Variants in USP35 observed in about 807,000 individuals in gnomAD.
The protein encoded by USP35 is ubiquitin carboxyl-terminal hydrolase 35.
Under a neutral mutation model 83.8 loss-of-function variants are expected in USP35, and 69 were observed. That is an observed-to-expected ratio of 0.82 (90% CI 0.68 to 1.01). The LOEUF is 1.01. Ranked by LOEUF, USP35 falls within the 50% of genes least tolerant of loss-of-function variation. USP35 has a pLI of 0.00. For synonymous variants in USP35, 714 were observed against 589.5 expected (o/e 1.21, Z -3.06); for missense variants, 1,503 against 1,362.5 (o/e 1.10, Z -1.62).
intron 1 of USP35, among the ~76,000 whole-genome samples, chr11:78,190,058 T>C (rs1862954475): frequency 6.6e-6 from 1 of 152,056 alleles, no homozygotes; most frequent in Non-Finnish European, 1.5e-5. Context: ...GGAGGGAGGC[T>C]GGCTTCGAGG....
In USP35 at chr11:78,214,391, G is replaced by GC. The variant is rs1863991918; in HGVS notation, c.*578_*579insC. On this transcript the variant is annotated 3_prime_UTR_variant, in exon 11 of 11. Transcript: ENST00000529308. ...ACTGCATGGTTTTGGGGGGGGGGGC[G>GC]GGGGGCTAGCTTCTCACAGCAGGAG... 3 of 126,614 alleles carry GC rather than the reference G, an allele frequency of 2.4e-5. No homozygotes were observed. The highest frequency in any genetic ancestry group is 5.3e-5 in the Non-Finnish European group (3 of 57,120). The allele number at this position is 126,614 out of a possible 1,614,324, so 7.8% of individuals were successfully genotyped here.
At chr11:78,223,884 C>G in the USP35 span, among the ~76,000 whole-genome samples, 1 of 151,974 alleles carries the variant, frequency 6.6e-6, no homozygotes, top group African/African-American at 2.4e-5. Flanking sequence ...GGTTCGAGAC[C>G]AGCTTGGCCA....
rs776280038 is a variant in USP35, at chr11:78,200,093, G to C, written c.937-40G>C. 4 of 1,608,600 alleles carry C rather than the reference G, an allele frequency of 2.5e-6. No homozygotes were observed. The South Asian group carries it at 4.4e-5, about 18-fold the overall frequency. ...CTTGTGATTCTACTTGGCCTCAGCA[G>C]CTCAAGCCTGGGGACTCCTGACCAG... On this transcript the variant is annotated intron_variant, in intron 4 of 10. Transcript: ENST00000529308.
At chr11:78,232,774 TTAG>T in the USP35 span, among the ~76,000 whole-genome samples, 4 of 152,316 alleles carry the variant, frequency 2.6e-5, no homozygotes, top group African/African-American at 9.6e-5. Context: ...AAGGCTGGTA[TTAG>T]TAGCCTCAGT....
rs1275222810 is a variant in USP35, at chr11:78,214,234, A to AGAGAGGCGGGGGGGGGGGGGG, written c.*422_*423insAGAGGCGGGGGGGGGGGGGGG. The stretch of plus-strand genomic sequence containing the variant: ...ACAGCAGGATCCAAGCCTTGCACAA[A>AGAGAGGCGGGGGGGGGGGGGG]GGGGTGGGGGGGGCAGTGTCTCCTC... On this transcript the variant is annotated 3_prime_UTR_variant, in exon 11 of 11. Transcript: ENST00000529308. 2 of 96,202 alleles carry AGAGAGGCGGGGGGGGGGGGGG rather than the reference A, an allele frequency of 2.1e-5. No homozygotes were observed. The highest frequency in any genetic ancestry group is 1.0e-4 in the African/African-American group (2 of 19,634). 6.0% of individuals were successfully genotyped at this position (96,202 alleles called of 1,614,324 possible).
At chr11:78,222,811 G>C in the USP35 span, among the ~76,000 whole-genome samples, 1 of 152,098 alleles carries the variant, frequency 6.6e-6, no homozygotes, top group African/African-American at 2.4e-5. Context: ...TCGAACTTCT[G>C]ACCTCAGGTG....
chr11:78,220,457 G>T, the USP35 span: 1 of 1,550,622 alleles, frequency 6.4e-7, no homozygotes. Context: ...GTCACGAGGA[G>T]GAAAAAACTG....
Position 78,201,328 on chromosome 11 carries a change from C to G in USP35, c.1197+520C>G, listed in dbSNP as rs1450209442. Among the ~76,000 whole-genome samples, 2 of 152,202 alleles carry G rather than the reference C, an allele frequency of 1.3e-5. 1 individual carries two copies. The highest frequency in any genetic ancestry group is 2.9e-5 in the Non-Finnish European group (2 of 68,032). On this transcript the variant is annotated intron_variant, in intron 6 of 10. Transcript: ENST00000529308. ...CTCCAGACCAGGGATAATTTACAGT[C>G]GTTCACATGACTTTACTGACGTCCT... is the stretch of plus-strand genomic sequence containing the variant.
downstream of USP35, chr11:78,215,842 G>C (rs1176380685): frequency 1.3e-5 from 2 of 152,676 alleles, no homozygotes; most frequent in East Asian, 3.8e-4. Flanking sequence ...GCCCAGATGG[G>C]GAAGGAAGAA....
chr11:78,191,373 C>T (rs1862999837), intron 1 of USP35, among the ~76,000 whole-genome samples: 1 of 152,214 alleles, frequency 6.6e-6, no homozygotes, highest in Non-Finnish European at 1.5e-5. Context: ...CTGGGACGCC[C>T]CTCAGGCTGT....
At chr11:78,235,645 G>A in the USP35 span, among the ~76,000 whole-genome samples, 2 of 152,120 alleles carry the variant, frequency 1.3e-5, no homozygotes, top group African/African-American at 4.8e-5. Context: ...TCTAGGGCAG[G>A]GGCAAAATGC....
At chr11:78,197,017 G>A in intron 2 of USP35, 99 bp downstream of exon 2, 4 of 1,371,826 alleles carry the variant, frequency 2.9e-6, no homozygotes, top group Non-Finnish European at 3.8e-6. Flanking sequence ...GCGGGCGCCC[G>A]TGTGGCACGA....
At chr11:78,205,806 C>T in intron 6 of USP35, 36 bp from the exon 7 acceptor site, 1 of 1,578,040 alleles carries the variant, frequency 6.3e-7, no homozygotes, top group Non-Finnish European at 8.6e-7. Context: ...GACCCTGGTG[C>T]CCACCATCCT....
intron 1 of USP35, among the ~76,000 whole-genome samples, chr11:78,189,850 G>A (rs1862948168): frequency 6.6e-6 from 1 of 152,162 alleles, no homozygotes; most frequent in Admixed American, 6.5e-5. Context: ...AGACAGTTTG[G>A]TGGCCCAGAC....
At chr11:78,201,057 C>T (rs535848706) in intron 6 of USP35, among the ~76,000 whole-genome samples, 99 of 152,222 alleles carry the variant, frequency 6.5e-4, no homozygotes, top group Non-Finnish European at 1.2e-3. Context: ...ATAAACGCTT[C>T]TCTGTCAGTG....
At chr11:78,230,809 TA>T in the USP35 span, among the ~76,000 whole-genome samples, 1 of 152,256 alleles carries the variant, frequency 6.6e-6, no homozygotes, top group Non-Finnish European at 1.5e-5. Context: ...CAAACCATGC[TA>T]AAATGTGGTC....
intron 8 of USP35, 83 bp downstream of exon 8, chr11:78,207,706 C>T (rs1221501661): frequency 3.0e-6 from 4 of 1,355,616 alleles, no homozygotes; most frequent in Non-Finnish European, 4.1e-6. Flanking sequence ...TCCCCAGGAC[C>T]TGCCTGCATC....
rs765347789 is a variant in USP35 at position 78,196,334 on chromosome 11, G to A, written c.89G>A (p.Arg30Gln). 49 of 1,585,322 alleles carry A rather than the reference G, an allele frequency of 3.1e-5. No individual in the cohort carries two copies. The highest frequency in any genetic ancestry group is 1.5e-4 in the Admixed American group (9 of 58,998). Residue 30 changes from arginine to glutamine, a missense_variant, in exon 2 of 11, where the codon CGG becomes CAG. Transcript: ENST00000529308. This position sits in a 1 kb window ranked among gnomAD's most constrained non-coding sequence, Gnocchi z 4.8. ...GTTCGGCGCGTGCTGGAGGCGGCGC[G>A]GCAGCCGCTGGAGCGTGAGCAGTGC... ...GLVRRVLEAA[R>Q]QPLEREQCLA...
At chr11:78,231,013 T>G in the USP35 span, among the ~76,000 whole-genome samples, 2 of 152,218 alleles carry the variant, frequency 1.3e-5, no homozygotes, top group African/African-American at 4.8e-5. Flanking sequence ...TACAGAAGCC[T>G]TATAAAATAG....
Sources: gnomAD v4.1 joint callset for allele counts (sites outside exome capture counted in the v4.1 genomes callset) on GRCh38, gnomAD v4.1.1 for gene constraint, Gnocchi (gnomAD v3.1) non-coding constraint, MANE v1.5 for transcripts, NCBI Gene and HGNC (gene_info 2026-07-23, HGNC 2026-07-21) for gene names.